Variants in CDCA5 observed in about 807,000 individuals in gnomAD.
CDCA5 encodes the protein cell division cycle associated 5.
Under a neutral mutation model 25.7 loss-of-function variants are expected in CDCA5, and 14 were observed. The observed-to-expected ratio is 0.54, with a 90% CI of 0.36 to 0.85. CDCA5 has a LOEUF of 0.85. Ranked by LOEUF, CDCA5 falls within the 40% of genes least tolerant of loss-of-function variation. The pLI, the probability that CDCA5 is intolerant of heterozygous loss-of-function variation, is 0.01. For missense variants in CDCA5, 307 were observed against 324.5 expected, an observed-to-expected ratio of 0.95 and a Z score of 0.41; for synonymous variants, 127 against 128.7, an observed-to-expected ratio of 0.99 and a Z score of 0.09.
intron 4 of CDCA5, among the ~76,000 whole-genome samples, 190 bp from the exon 5 acceptor site, chr11:65,079,977 G>C (rs1590798648): frequency 6.7e-6 from 1 of 149,934 alleles, no homozygotes; most frequent in South Asian, 2.1e-4. Context: ...TGCAAGCTCC[G>C]CCTCCCGGGT....
At chr11:65,067,988 G>T in intron 3 of CDCA5, 1 of 1,183,334 alleles carries the variant, frequency 8.5e-7, no homozygotes, top group Non-Finnish European at 1.1e-6. Context: ...TGCCTGCATG[G>T]GCACTCTCTC....
At chr11:65,065,809 A>G (rs1024465784), downstream of CDCA5, among the ~76,000 whole-genome samples, 5 of 151,720 alleles carry the variant, frequency 3.3e-5, no homozygotes, top group South Asian at 6.2e-4. Context: ...CTCAAAATCG[A>G]TATGTATCTC....
chr11:65,075,702 A>C (rs1947431465), downstream of CDCA5, among the ~76,000 whole-genome samples: 1 of 152,216 alleles, frequency 6.6e-6, no homozygotes, highest in Admixed American at 6.5e-5. Flanking sequence ...GGATGAGCAG[A>C]GCTTCAGATG....
rs1226869945 is a variant in CDCA5, at chr11:65,078,791, G to C, written c.*316C>G. ...CTCAACCCTCAGCCCTTTAACTTCT[G>C]GCTGGGCCACTGATTCTCCTCCCCA... is the stretch of plus-strand genomic sequence containing the variant. On this transcript the variant is annotated 3_prime_UTR_variant, in exon 6 of 6. Coordinates refer to ENST00000275517, the MANE Select transcript of CDCA5 (RefSeq NM_080668.4). 1.8e-6 allele frequency: 2 copies of C among 1,105,010 alleles called. No individual in the cohort carries two copies. The highest frequency in any genetic ancestry group is 3.2e-5 in the African/African-American group (2 of 61,542). 68.5% of individuals were successfully genotyped at this position (1,105,010 alleles called of 1,614,324 possible). A position where few individuals can be genotyped will look rare whatever the true frequency, so the allele number is the denominator to read the frequency against.
In CDCA5 at chr11:65,083,732, AG is replaced by A; in HGVS notation, c.47-10del. On this transcript the variant is annotated splice_polypyrimidine_tract_variant and intron_variant, in intron 1 of 5. Coordinates refer to ENST00000275517, the MANE Select transcript of CDCA5 (RefSeq NM_080668.4). The stretch of plus-strand genomic sequence containing the variant: ...AGATGGGGCCCTTGGCCCTGGAAAG[AG>A]AAAAAAGTTAAGTGGTAGAGGAGGA... 4 of 1,608,708 alleles carry A rather than the reference AG, an allele frequency of 2.5e-6. No homozygotes were observed. Among genetic ancestry groups the A allele is most frequent in the Non-Finnish European group, 3.4e-6 (4 of 1,178,112 alleles).
chr11:65,068,158 G>A (rs537761278), intron 2 of CDCA5: 12 of 1,209,498 alleles, frequency 9.9e-6, no homozygotes, highest in African/African-American at 6.2e-5. Context: ...AGAGGGTCAC[G>A]GCTGCTCACC....
In CDCA5 at chr11:65,083,541, C is replaced by T. The variant is rs1208310144; in HGVS notation, c.151G>A (p.Ala51Thr). 5 of 1,614,070 alleles carry T rather than the reference C, an allele frequency of 3.1e-6. No individual in the cohort carries two copies. The African/African-American group carries it at 4.0e-5, about 13-fold the overall frequency. ...LPEIWPKTPS[A>T]AAVRKPIVLK... ...ACGATGGGCTTTCTGACTGCAGCCG[C>T]ACTGGGTGTCTGGAGAAGAGGGATG... The change falls in exon 3 of 6, where the codon GCG becomes ACG. Residue 51 changes from alanine to threonine, a missense_variant. Ala to Thr is a moderately conservative substitution (Grantham distance 58, BLOSUM62 0). Transcript: ENST00000275517.
Position 65,083,376 on chromosome 11 carries a change from G to A in CDCA5, c.231C>T (p.Arg77=). 1 of 1,614,214 alleles carries A rather than the reference G, an allele frequency of 6.2e-7. No homozygotes were observed. Among genetic ancestry groups the A allele is most frequent in the East Asian group, 2.2e-5 (1 of 44,882 alleles). The change falls in exon 4 of 6, where the codon CGC becomes CGT. Residue 77 remains arginine, a synonymous_variant. Coordinates refer to ENST00000275517, the MANE Select transcript of CDCA5 (RefSeq NM_080668.4). ...AAAGTGAACTCACCCTAGGGCTCCT[G>A]CGAGGTGATTGGACAGCTGGGACCT... ...AVEVPAVQSP[R]RSPRISFFLE...
chr11:65,072,874 C>T (rs146969030), downstream of CDCA5, among the ~76,000 whole-genome samples: 363 of 150,000 alleles, frequency 2.4e-3, 1 homozygote, highest in Non-Finnish European at 3.8e-3. Context: ...ATGGTCAGTT[C>T]TACTTGAAAA....
rs1055341605 is a variant in CDCA5 at position 65,079,203 on chromosome 11, T to C, written c.679-16A>G. ...GCTCCGTTTTCTGAGGGAAGAGAAA[T>C]GAGGAGCAGGTGAGTGAGAAGGGAA... On this transcript the variant is annotated splice_polypyrimidine_tract_variant and intron_variant, in intron 5 of 5. Coordinates refer to ENST00000275517, the MANE Select transcript of CDCA5 (RefSeq NM_080668.4). 4.6e-6 allele frequency: 7 copies of C among 1,531,430 alleles called. No individual in the cohort carries two copies. Among genetic ancestry groups the C allele is most frequent in the African/African-American group, 1.4e-5 (1 of 71,886 alleles). The allele number at this position is 1,531,430 out of a possible 1,614,324, so 94.9% of individuals were successfully genotyped here.
intron 1 of CDCA5, among the ~76,000 whole-genome samples, chr11:65,069,235 CAAAA>C (rs538955897): frequency 1.2e-4 from 10 of 85,928 alleles, no homozygotes; most frequent in African/African-American, 4.5e-4. Context: ...GCGAGACTCT[CAAAA>C]AAAAAAAAAA....
chr11:65,066,970 T>A, intron 4 of CDCA5: 1 of 900,710 alleles, frequency 1.1e-6, no homozygotes, highest in Non-Finnish European at 1.6e-6. Flanking sequence ...TTCAGCCACC[T>A]GGTCCTATAG....
downstream of CDCA5, among the ~76,000 whole-genome samples, chr11:65,065,103 C>T (rs556934170): frequency 2.6e-5 from 4 of 152,190 alleles, no homozygotes; most frequent in South Asian, 2.1e-4. Context: ...ATCCCCAGCC[C>T]GTTCCGTGTC....
At position 65,083,549 on chromosome 11, in the gene CDCA5, G is replaced by C; in HGVS notation, c.143C>G (p.Thr48Arg). Reference protein sequence around the residue: ...PSILPEIWPKTPSAAAVRKPI... With the variant: ...PSILPEIWPKRPSAAAVRKPI... ...CTTTCTGACTGCAGCCGCACTGGGT[G>C]TCTGGAGAAGAGGGATGAACGTGAG... Residue 48 changes from threonine to arginine, a missense_variant and splice_region_variant, in exon 3 of 6, where the codon ACA (threonine) becomes AGA (arginine). Coordinates refer to ENST00000275517, the MANE Select transcript of CDCA5 (RefSeq NM_080668.4). 6.8e-6 allele frequency: 11 copies of C among 1,614,224 alleles called. No individual in the cohort carries two copies. The highest frequency in any genetic ancestry group is 9.3e-6 in the Non-Finnish European group (11 of 1,180,040).
chr11:65,078,638 C>A lies in CDCA5; in HGVS notation c.*469G>T. The A allele has an allele frequency of 1.0e-6, 1 of 989,666 alleles. No homozygotes were observed. The highest frequency in any genetic ancestry group is 1.2e-6 in the Non-Finnish European group (1 of 832,980). 61.3% of individuals were successfully genotyped at this position (989,666 alleles called of 1,614,324 possible). A position where few individuals can be genotyped will look rare whatever the true frequency, so the allele number is the denominator to read the frequency against. On this transcript the variant is annotated 3_prime_UTR_variant, in exon 6 of 6. Transcript: ENST00000275517. ...ACCCACGGAACTGAAAACCTCTTTA[C>A]ACAGGTGGGTTCAAGAAGAAAGCCA...
chr11:65,072,493 C>T (rs151010795), downstream of CDCA5, among the ~76,000 whole-genome samples: 2 of 152,336 alleles, frequency 1.3e-5, no homozygotes, highest in East Asian at 1.9e-4. Flanking sequence ...TGGCTTCAGA[C>T]CTCACATGCA....
At chr11:65,067,498 C>G (rs748328612) in intron 4 of CDCA5, among the ~76,000 whole-genome samples, 52 of 152,224 alleles carry the variant, frequency 3.4e-4, no homozygotes, top group African/African-American at 2.2e-4. Flanking sequence ...AGCCCCTCCC[C>G]CAGACTGAAC....
downstream of CDCA5, among the ~76,000 whole-genome samples, chr11:65,074,610 G>C (rs907686074): frequency 6.6e-6 from 1 of 151,918 alleles, no homozygotes; most frequent in Non-Finnish European, 1.5e-5. Flanking sequence ...ATGGTGACAC[G>C]TGCCTGTAGT....
At chr11:65,076,133 G>C (rs888905767), downstream of CDCA5, among the ~76,000 whole-genome samples, 1 of 152,156 alleles carries the variant, frequency 6.6e-6, no homozygotes, top group African/African-American at 2.4e-5. Context: ...TTTGTCTTTT[G>C]AAACAGGGTC....
Sources: gnomAD v4.1 joint callset for allele counts (sites outside exome capture counted in the v4.1 genomes callset) on GRCh38, gnomAD v4.1.1 for gene constraint, MANE v1.5 for transcripts, NCBI Gene and HGNC (gene_info 2026-07-23, HGNC 2026-07-21) for gene names.